SPTBN5: variants seen among roughly 807,000 people sequenced by gnomAD.
SPTBN5 encodes spectrin beta chain, non-erythrocytic 5.
SPTBN5 carries 513 observed loss-of-function variants against 477.6 expected under a neutral mutation model. The observed-to-expected ratio is 1.07, with a 90% confidence interval of 1.00 to 1.16. SPTBN5 has a LOEUF of 1.16. SPTBN5 is among the 50% of genes most tolerant of loss of function. The probability of loss-of-function intolerance (pLI) is 0.00; values close to 1 mark genes in which losing one functional copy is unlikely to be tolerated. For missense variants in SPTBN5, 5,062 were observed against 4,731.8 expected, an observed-to-expected ratio of 1.07 and a Z score of -2.05; for synonymous variants, 2,169 against 2,011.7, an observed-to-expected ratio of 1.08 and a Z score of -2.09.
At chr15:41,872,571 C>G in intron 26 of SPTBN5, 112 bp from the exon 27 acceptor site, 1 of 1,162,532 alleles carries the variant, frequency 8.6e-7, no homozygotes, top group Non-Finnish European at 1.2e-6. Context: ...ACCACTCACA[C>G]GCCCATCCAT....
At chr15:41,884,395 C>T (rs1451281944) in intron 7 of SPTBN5, among the ~76,000 whole-genome samples, 4 of 152,204 alleles carry the variant, frequency 2.6e-5, no homozygotes, top group Admixed American at 1.3e-4. Flanking sequence ...GCTGAGATTA[C>T]AGGCATGAGC....
Position 41,866,185 on chromosome 15 carries a change from C to T in SPTBN5, c.6675G>A (p.Glu2225=), listed in dbSNP as rs544160826. Residue 2225 remains glutamate (E), a synonymous_variant, in exon 38 of 68, where the codon GAG becomes GAA. Transcript: ENST00000320955. ...LLAQSHPRAG[E]VSQRLQGLRK... is the part of the protein sequence containing the mutation. ...GCAGGCCCTGCAGCCGCTGGGAGAC[C>T]TCTCCGGCTCGAGGGTGACTCTGTG... The T allele has an allele frequency of 6.2e-5, 98 of 1,577,008 alleles. No individual in the cohort carries two copies. In the East Asian group the frequency reaches 9.3e-4, roughly 15 times the overall value.
intron 67 of SPTBN5, among the ~76,000 whole-genome samples, chr15:41,849,077 G>A (rs1595431936): frequency 1.3e-5 from 2 of 152,232 alleles, no homozygotes; most frequent in East Asian, 1.9e-4. Flanking sequence ...GGCTGTATAT[G>A]CGTGTGCACA....
At position 41,856,477 on chromosome 15, in the gene SPTBN5, A is replaced by G; in HGVS notation, c.8930T>C (p.Leu2977Pro). The G allele has an allele frequency of 6.3e-7, 1 of 1,597,208 alleles. No individual in the cohort carries two copies. The highest frequency in any genetic ancestry group is 1.3e-5 in the African/African-American group (1 of 74,598). ...AHEVAARVQQ[L>P]EKAMAHLRAE... ...CCGCAGGTGGGCCATGGCCTTCTCC[A>G]GCTGCTGCACCCGGGCGGCCACCTC... The change falls in exon 53 of 68, where the codon CTG becomes CCG. Residue 2977 changes from leucine (L) to proline (P), a missense_variant. Coordinates refer to ENST00000320955, the MANE Select transcript of SPTBN5 (RefSeq NM_016642.4).
intron 55 of SPTBN5, 33 bp downstream of exon 55, chr15:41,855,191 A>G: frequency 2.5e-6 from 4 of 1,584,444 alleles, no homozygotes; most frequent in Non-Finnish European, 2.6e-6. Flanking sequence ...GCCTCTGCCC[A>G]CTCCCCGTGA....
chr15:41,857,465 T>A lies in SPTBN5; in HGVS notation c.8394A>T (p.Glu2798Asp). ...EALRLRRSME[E>D]LENWLEPIEV... ...CGATGGGCTCCAGCCAGTTCTCCAG[T>A]TCCTCCATGCTCCGCCGCAGACGCA... Residue 2798 changes from glutamate to aspartate, a missense_variant, in exon 51 of 68, where the codon GAA (glutamate) becomes GAT (aspartate). Transcript: ENST00000320955. 6.2e-7 allele frequency: 1 copy of A among 1,609,212 alleles called. No homozygotes were observed. Among genetic ancestry groups the A allele is most frequent in the South Asian group, 1.1e-5 (1 of 90,304 alleles).
chr15:41,874,938 C>T lies in SPTBN5; in HGVS notation c.4406G>A (p.Arg1469Gln), dbSNP rs375198417. ...KRHQQLESES[R>Q]TLAAKMAALA... ...GGCAGCCATCTTGGCAGCCAGGGTCCGGCTCTCACTCTCCAGCTGTTGGTG... is the reference window on the plus strand; with the variant it reads ...GGCAGCCATCTTGGCAGCCAGGGTCTGGCTCTCACTCTCCAGCTGTTGGTG... Residue 1469 changes from arginine (R) to glutamine (Q), a missense_variant, in exon 23 of 68, where the codon CGG (arginine) becomes CAG (glutamine). Coordinates refer to ENST00000320955, the MANE Select transcript of SPTBN5 (RefSeq NM_016642.4). 5.0e-5 allele frequency: 80 copies of T among 1,613,344 alleles called. No individual in the cohort carries two copies. Among genetic ancestry groups the T allele is most frequent in the African/African-American group, 1.7e-4 (13 of 74,918 alleles).
Position 41,861,753 on chromosome 15 carries a change from C to T in SPTBN5, c.7719G>A (p.Gln2573=). The change falls in exon 45 of 68, where the codon CAG becomes CAA. Residue 2573 remains glutamine (Q), a synonymous_variant. Transcript: ENST00000320955. The part of the protein sequence containing the change: ...GAWQEHQLQL[Q]QALELQLFLS... ...TGCCTGCCTGTAGCTCCAGGGCCTG[C>T]TGCAGCTGTAGCTGATGCTCCTGCC... is the stretch of plus-strand genomic sequence containing the variant. 6.5e-7 allele frequency: 1 copy of T among 1,548,794 alleles called. No homozygotes were observed.
At chr15:41,861,311 C>T (rs576711539) in intron 46 of SPTBN5, 108 bp downstream of exon 46, 43 of 996,414 alleles carry the variant, frequency 4.3e-5, no homozygotes, top group South Asian at 8.1e-5. Flanking sequence ...GAGATGGCCC[C>T]GAAGGGGAGG....
At chr15:41,877,995 C>T (rs141903260) in intron 17 of SPTBN5, among the ~76,000 whole-genome samples, 115 of 152,270 alleles carry the variant, frequency 7.6e-4, no homozygotes, top group Non-Finnish European at 1.1e-3. Context: ...ACTTAGGGGC[C>T]GCTGGGGTCC....
chr15:41,875,825 G>A (rs1327710838), intron 21 of SPTBN5, among the ~76,000 whole-genome samples: 1 of 152,188 alleles, frequency 6.6e-6, no homozygotes, highest in African/African-American at 2.4e-5. Flanking sequence ...AGAGCGGGGT[G>A]AGCCGGCATT....
chr15:41,871,868 C>A lies in SPTBN5; in HGVS notation c.5215G>T (p.Ala1739Ser). Residue 1739 changes from alanine (A) to serine (S), a missense_variant, in exon 28 of 68, where the codon GCT (alanine) becomes TCT (serine). Ala to Ser is a moderately conservative substitution (Grantham distance 99, BLOSUM62 1). Transcript: ENST00000320955. ...TLRLHEFLRE[A>S]EDLQGWLASQ... ...GCCAGCCAGCCCTGCAGGTCCTCAG[C>A]CTCCCTCAGGAACTCATGCAGCCTC... The A allele has an allele frequency of 1.3e-6, 2 of 1,586,798 alleles. No individual in the cohort carries two copies. The highest frequency in any genetic ancestry group is 2.3e-5 in the South Asian group (2 of 86,628).
intron 46 of SPTBN5, among the ~76,000 whole-genome samples, 152 bp downstream of exon 46, chr15:41,861,267 T>C (rs1361293549): frequency 6.6e-6 from 1 of 152,204 alleles, no homozygotes; most frequent in Non-Finnish European, 1.5e-5. Context: ...GACGGGTAAG[T>C]AACTGCCCAG....
chr15:41,871,821 T>C lies in SPTBN5; in HGVS notation c.5262A>G (p.Lys1754=). ...GWLASQKQAA[K]GGESLGEDPE... is the part of the protein sequence containing the mutation. ...GGTCCTCTCCCAGGCTCTCCCCTCC[T>C]TTGGCTGCCTGCTTCTGGCTTGCCA... The change falls in exon 28 of 68, where the codon AAA becomes AAG. Residue 1754 remains lysine (K), a synonymous_variant. Coordinates refer to ENST00000320955, the MANE Select transcript of SPTBN5 (RefSeq NM_016642.4). The C allele has an allele frequency of 6.3e-7, 1 of 1,592,368 alleles. No homozygotes were observed. Among genetic ancestry groups the C allele is most frequent in the East Asian group, 2.3e-5 (1 of 43,558 alleles).
Position 41,883,075 on chromosome 15 carries a change from T to A in SPTBN5, c.1813A>T (p.Thr605Ser). The A allele has an allele frequency of 1.9e-6, 3 of 1,593,150 alleles. No homozygotes were observed. Among genetic ancestry groups the A allele is most frequent in the Non-Finnish European group, 2.6e-6 (3 of 1,170,186 alleles). ...TTGGCCTGCAGCACCTCCACACTGG[T>A]GCCCAGGGAGGAGTCCAGCTCTGCT... ...QTAELDSSLG[T>S]SVEVLQAKAR... Residue 605 changes from threonine (T) to serine (S), a missense_variant, in exon 9 of 68, where the codon ACC (threonine) becomes TCC (serine). By Grantham distance (58) the Thr-to-Ser change is moderately conservative. Coordinates refer to ENST00000320955, the MANE Select transcript of SPTBN5 (RefSeq NM_016642.4).
Position 41,867,092 on chromosome 15 carries a change from C to A in SPTBN5, c.6347G>T (p.Arg2116Leu). Residue 2116 changes from arginine to leucine, a missense_variant, in exon 36 of 68, where the codon CGG becomes CTG. Physicochemically the swap from Arg to Leu is moderately radical, Grantham distance 102. Coordinates refer to ENST00000320955, the MANE Select transcript of SPTBN5 (RefSeq NM_016642.4). ...AAGCCGGTCCCGCACCCGGGGGCGC[C>A]GGAGCGTCTTCAGCCGCTCACGCAG... is the stretch of plus-strand genomic sequence containing the variant. ...AALRERLKTL[R>L]RPRVRDRLPI... 1 of 1,543,466 alleles carries A rather than the reference C, an allele frequency of 6.5e-7. No individual in the cohort carries two copies. Among genetic ancestry groups the A allele is most frequent in the Non-Finnish European group, 8.7e-7 (1 of 1,146,596 alleles).
chr15:41,876,110 C>T lies in SPTBN5; in HGVS notation c.4122+4G>A, dbSNP rs1468833137. The T allele has an allele frequency of 6.3e-7, 1 of 1,596,070 alleles. No homozygotes were observed. Among genetic ancestry groups the T allele is most frequent in the Admixed American group, 1.7e-5 (1 of 59,916 alleles). On this transcript the variant is annotated splice_donor_region_variant and intron_variant, in intron 21 of 67. Coordinates refer to ENST00000320955, the MANE Select transcript of SPTBN5 (RefSeq NM_016642.4). ...CTCTGCACCCTCTGTCCCGTGTCCC[C>T]CACCTGCTGCAGGGCCTCCACGTGT...
chr15:41,855,810 A>G (rs1361428466), intron 53 of SPTBN5, 65 bp from the exon 54 acceptor site: 1 of 1,444,548 alleles, frequency 6.9e-7, no homozygotes, highest in Non-Finnish European at 9.2e-7. Flanking sequence ...ATTTACAGCC[A>G]CGATTCTCAG....
Position 41,879,657 on chromosome 15 carries a change from G to A in SPTBN5, c.2942+77C>T, listed in dbSNP as rs982947577. ...GTCCAGCCTCTCCATCTGGCATGGCGGGAGGCAGGTGAGTCAGGCCCAGGC... is the reference window on the plus strand; with the variant it reads ...GTCCAGCCTCTCCATCTGGCATGGCAGGAGGCAGGTGAGTCAGGCCCAGGC... On this transcript the variant is annotated intron_variant, in intron 15 of 67. Coordinates refer to ENST00000320955, the MANE Select transcript of SPTBN5 (RefSeq NM_016642.4). The A allele has an allele frequency of 5.1e-5, 80 of 1,570,096 alleles. No individual in the cohort carries two copies. The East Asian group carries it at 7.6e-4, about 15-fold the overall frequency.
Sources: allele counts gnomAD v4.1 joint callset (sites outside exome capture counted in the v4.1 genomes callset), GRCh38; gene constraint gnomAD v4.1.1; transcripts MANE v1.5; gene names NCBI Gene and HGNC (gene_info 2026-07-23, HGNC 2026-07-21).